The following ZNF540 variants were observed in gnomAD, a reference collection of about 807,000 sequenced individuals.
The protein encoded by ZNF540 is zinc finger protein 540.
ZNF540 carries 3 observed loss-of-function variants against 11.8 expected under a neutral mutation model. That is an observed-to-expected ratio of 0.25 (90% CI 0.12 to 0.65). The LOEUF (loss-of-function observed/expected upper bound fraction) is 0.65, where lower values mean the gene tolerates loss of function less well. ZNF540 is among the 30% of genes least tolerant of loss of function. The pLI is 0.83. For synonymous variants in ZNF540, 247 were observed against 259.0 expected, an observed-to-expected ratio of 0.95 and a Z score of 0.45; for missense variants, 709 against 793.1, an observed-to-expected ratio of 0.89 and a Z score of 1.27.
intron 1 of ZNF540, among the ~76,000 whole-genome samples, chr19:37,568,778 GGAAAA>G (rs2042957571): frequency 6.6e-6 from 1 of 152,030 alleles, no homozygotes; most frequent in African/African-American, 2.4e-5. Context: ...GTGAAAAAAG[GGAAAA>G]CTGCAAAAGG....
At chr19:37,592,075 T>A (rs1167389159), upstream of ZNF540, among the ~76,000 whole-genome samples, 1 of 151,742 alleles carries the variant, frequency 6.6e-6, no homozygotes, top group Non-Finnish European at 1.5e-5. Context: ...CTGGGCAACA[T>A]GGTGAAACCC....
upstream of ZNF540, among the ~76,000 whole-genome samples, chr19:37,591,672 G>A (rs1188042023): frequency 1.3e-5 from 2 of 152,040 alleles, no homozygotes; most frequent in Non-Finnish European, 2.9e-5. Flanking sequence ...AGCCTCCCGA[G>A]TAGCTGGGAT....
At chr19:37,553,871 AAT>A (rs1395120360) in intron 1 of ZNF540, among the ~76,000 whole-genome samples, 2 of 152,194 alleles carry the variant, frequency 1.3e-5, no homozygotes, top group African/African-American at 4.8e-5. Context: ...TTTTCAAGAG[AAT>A]ATGAGGAAAA....
chr19:37,603,753 T>C (rs1478687740), intron 4 of ZNF540, among the ~76,000 whole-genome samples: 1 of 152,226 alleles, frequency 6.6e-6, no homozygotes, highest in Non-Finnish European at 1.5e-5. Flanking sequence ...AAATATGTTG[T>C]ACAGAGTAAA....
chr19:37,564,498 A>G (rs1170186081), intron 1 of ZNF540: 2 of 1,162,606 alleles, frequency 1.7e-6, no homozygotes, highest in Non-Finnish European at 2.3e-6. Context: ...TAGGCCTTCT[A>G]AGAATGAGCA....
chr19:37,572,930 A>G (rs566882373), intron 1 of ZNF540, among the ~76,000 whole-genome samples: 2,097 of 152,188 alleles, frequency 0.014, 43 homozygotes, highest in African/African-American at 0.047. Flanking sequence ...AATGACTTTC[A>G]AACTTTAAAA....
At chr19:37,561,869 C>T (rs765359559) in intron 1 of ZNF540, among the ~76,000 whole-genome samples, 5 of 152,152 alleles carry the variant, frequency 3.3e-5, no homozygotes, top group Non-Finnish European at 7.4e-5. Flanking sequence ...CATAACTTAT[C>T]CAATCTGAAC....
chr19:37,588,099 C>CAAAAAAAAAAAA (rs58516591), intron 1 of ZNF540, among the ~76,000 whole-genome samples: 7 of 45,748 alleles, frequency 1.5e-4, no homozygotes, highest in East Asian at 5.6e-4. Flanking sequence ...GACTCCATCT[C>CAAAAAAAAAAAA]AAAAAAAAAA....
At chr19:37,594,212 C>T (rs1050978956), upstream of ZNF540, 1 of 152,236 alleles carries the variant, frequency 6.6e-6, no homozygotes, top group African/African-American at 2.4e-5. Flanking sequence ...TCAAAAAGAG[C>T]CTCTTACTCT....
At chr19:37,593,820 G>C (rs2043938461), upstream of ZNF540, among the ~76,000 whole-genome samples, 1 of 152,114 alleles carries the variant, frequency 6.6e-6, no homozygotes, top group African/African-American at 2.4e-5. Context: ...TCCCATCCCC[G>C]CAGCATCATT....
At chr19:37,598,344 T>A in intron 1 of ZNF540, 32 bp from the exon 2 acceptor site, 1 of 1,132,172 alleles carries the variant, frequency 8.8e-7, no homozygotes, top group South Asian at 1.3e-5. Flanking sequence ...AGACCTAGTC[T>A]CACTGTCTCA....
At chr19:37,578,015 C>T (rs970781113) in intron 1 of ZNF540, among the ~76,000 whole-genome samples, 2 of 152,138 alleles carry the variant, frequency 1.3e-5, no homozygotes, top group South Asian at 4.1e-4. Flanking sequence ...GCTTGAGATT[C>T]TCATAGGAGC....
At chr19:37,583,505 A>G (rs1407201526) in intron 1 of ZNF540, 1 of 153,462 alleles carries the variant, frequency 6.5e-6, no homozygotes, top group East Asian at 1.9e-4. Flanking sequence ...AGGCCTTTGA[A>G]GAGAGCTTCA....
At chr19:37,555,850 A>G (rs770099537) in intron 1 of ZNF540, 36 of 698,548 alleles carry the variant, frequency 5.2e-5, no homozygotes, top group East Asian at 8.0e-5. Context: ...GAGGATTACA[A>G]TTTTTTCTAG....
In ZNF540 at chr19:37,612,485, A is replaced by G. The variant is rs200171111; in HGVS notation, c.1205A>G (p.Lys402Arg). 562 of 1,614,204 alleles carry G rather than the reference A, an allele frequency of 3.5e-4. 6 individuals carry two copies. The South Asian group carries it at 5.6e-3, about 16-fold the overall frequency. ...GTGCGTGGACAGCTTAATCGGCATA[A>G]AACAATCCATACTGGTATAAAACCT... ...FNVRGQLNRH[K>R]TIHTGIKPFA... The change falls in exon 5 of 5, where the codon AAA (lysine) becomes AGA (arginine). Residue 402 changes from lysine (K) to arginine (R), a missense_variant. Coordinates refer to ENST00000316433, the MANE Select transcript of ZNF540 (RefSeq NM_001172225.3).
In ZNF540 at chr19:37,612,979, A is replaced by G. The variant is rs1333931376; in HGVS notation, c.1699A>G (p.Thr567Ala). 2 of 1,614,208 alleles carry G rather than the reference A, an allele frequency of 1.2e-6. No homozygotes were observed. Among genetic ancestry groups the G allele is most frequent in the East Asian group, 2.2e-5 (1 of 44,880 alleles). Residue 567 changes from threonine to alanine, a missense_variant, in exon 5 of 5, where the codon ACT (threonine) becomes GCT (alanine). Transcript: ENST00000316433. Reference sequence around the variant, plus strand: ...GTCCTTTAGTCGGCGTGGGCAGTTCACTGAACATCAGAAAATTCATACGGG... The same window carrying G: ...GTCCTTTAGTCGGCGTGGGCAGTTCGCTGAACATCAGAAAATTCATACGGG... Reference protein sequence around the residue: ...GKSFSRRGQFTEHQKIHTGVK... With the variant: ...GKSFSRRGQFAEHQKIHTGVK...
In ZNF540 at chr19:37,569,377, G is replaced by C. The variant is rs2042980001; in HGVS notation, c.-73+17712G>C. Reference sequence around the variant, plus strand: ...AAATCACATTATGTCACCATCTTAAGATTTTTCAATAGCCTGCAAAAATTG... The same window carrying C: ...AAATCACATTATGTCACCATCTTAACATTTTTCAATAGCCTGCAAAAATTG... On this transcript the variant is annotated intron_variant, in intron 1 of 4. Transcript: ENST00000592533. The surrounding 1 kb of genome is among the most constrained non-coding windows in gnomAD (Gnocchi z 4.4). Among the ~76,000 whole-genome samples the C allele has an allele frequency of 6.6e-6, 1 of 152,092 alleles. No individual in the cohort carries two copies. The highest frequency in any genetic ancestry group is 1.5e-5 in the Non-Finnish European group (1 of 68,014).
chr19:37,603,932 G>C (rs1318017030), intron 4 of ZNF540, among the ~76,000 whole-genome samples: 1 of 152,062 alleles, frequency 6.6e-6, no homozygotes, highest in East Asian at 1.9e-4. Flanking sequence ...TATATAATCA[G>C]ATCATTTGCA....
chr19:37,551,838 G>GT (rs1568332735), intron 1 of ZNF540, among the ~76,000 whole-genome samples: 1 of 152,042 alleles, frequency 6.6e-6, no homozygotes, highest in East Asian at 1.9e-4. Flanking sequence ...GTGTGTGGGG[G>GT]GGGTGGTGTC....
Sources: gnomAD v4.1 joint callset for allele counts (sites outside exome capture counted in the v4.1 genomes callset) on GRCh38, gnomAD v4.1.1 for gene constraint, Gnocchi (gnomAD v3.1) non-coding constraint, MANE v1.5 for transcripts, NCBI Gene and HGNC (gene_info 2026-07-23, HGNC 2026-07-21) for gene names.